MAP3K13: variants seen among roughly 807,000 people sequenced by gnomAD.
The protein encoded by MAP3K13 is leucine zipper-bearing kinase.
In MAP3K13, 52 loss-of-function variants were observed where a neutral mutation model predicts 104.0. The ratio of observed to expected loss-of-function variants is 0.50; its 90% CI spans 0.40 to 0.63. MAP3K13 has a LOEUF of 0.63. MAP3K13 is among the 20% of genes least tolerant of loss of function. The probability of loss-of-function intolerance (pLI) is 0.00; values close to 1 mark genes in which losing one functional copy is unlikely to be tolerated. For synonymous variants in MAP3K13, 394 were observed against 442.2 expected (o/e 0.89, Z 1.37); for missense variants, 914 against 1,218.5 (o/e 0.75, Z 3.72).
intron 2 of MAP3K13, among the ~76,000 whole-genome samples, chr3:185,331,510 AT>A (rs59925132): frequency 0.76 from 115,934 of 151,902 alleles, 44,971 homozygotes; most frequent in Middle Eastern, 0.84. Flanking sequence ...GTGTTGTGTT[AT>A]GTAGGATATA....
chr3:185,401,917 C>T (rs1256701413), intron 1 of MAP3K13, among the ~76,000 whole-genome samples: 3 of 152,050 alleles, frequency 2.0e-5, no homozygotes, highest in Non-Finnish European at 4.4e-5. Flanking sequence ...CCTGGAAACC[C>T]GGATTATTTG....
In MAP3K13 at chr3:185,392,839, A is replaced by G. The variant is rs369429920; in HGVS notation, c.-86+29471A>G. Among the ~76,000 whole-genome samples, 583 of 152,236 alleles carry G rather than the reference A, an allele frequency of 3.8e-3. 4 individuals carry two copies. The highest frequency in any genetic ancestry group is 0.013 in the African/African-American group (538 of 41,538). ...TGAGGCAGACAGATCACCTGAGGTC[A>G]GGAGTTCGAGACCACCCTGGCCAAC... On this transcript the variant is annotated intron_variant, in intron 1 of 13. Coordinates refer to ENST00000265026, the MANE Select transcript of MAP3K13 (RefSeq NM_004721.5).
Position 185,418,823 on chromosome 3 carries a change from C to A in MAP3K13, c.-85-9674C>A. 6.4e-7 allele frequency: 1 copy of A among 1,554,914 alleles called. No individual in the cohort carries two copies. On this transcript the variant is annotated intron_variant, in intron 1 of 13. Coordinates refer to ENST00000265026, the MANE Select transcript of MAP3K13 (RefSeq NM_004721.5). This position sits in a 1 kb window ranked among gnomAD's most constrained non-coding sequence, Gnocchi z 4.5. ...CACGCTCCTCTCAGCCCGGCTGCTG[C>A]CACAGGAAAAGCATGTTCTTGTCTT... is the stretch of plus-strand genomic sequence containing the variant.
intron 2 of MAP3K13, among the ~76,000 whole-genome samples, chr3:185,296,364 C>T (rs761969137): frequency 1.3e-5 from 2 of 152,206 alleles, no homozygotes; most frequent in Non-Finnish European, 2.9e-5. Flanking sequence ...ACCTCTCTAC[C>T]ATCTATTGGA....
At chr3:185,334,461 G>A (rs528733061) in intron 2 of MAP3K13, among the ~76,000 whole-genome samples, 54 of 152,146 alleles carry the variant, frequency 3.5e-4, no homozygotes, top group African/African-American at 1.3e-3. Context: ...CTTGAGGACA[G>A]GCAGATTTGT....
At chr3:185,382,730 C>T (rs368777157) in intron 1 of MAP3K13, among the ~76,000 whole-genome samples, 8 of 152,040 alleles carry the variant, frequency 5.3e-5, no homozygotes, top group South Asian at 2.1e-4. Flanking sequence ...ACCGGCCGGG[C>T]GCGGTGGCTC....
intron 1 of MAP3K13, among the ~76,000 whole-genome samples, chr3:185,380,062 T>C (rs1724631156): frequency 6.6e-6 from 1 of 151,644 alleles, no homozygotes; most frequent in African/African-American, 2.4e-5. Context: ...GGCAGGTGCC[T>C]TTAGTCCCAG....
At chr3:185,286,823 C>A (rs1720530390) in intron 2 of MAP3K13, among the ~76,000 whole-genome samples, 1 of 151,866 alleles carries the variant, frequency 6.6e-6, no homozygotes, top group South Asian at 2.1e-4. Context: ...AGACTTACAT[C>A]TCACATTTTT....
intron 2 of MAP3K13, among the ~76,000 whole-genome samples, chr3:185,343,981 A>G (rs1211912572): frequency 6.6e-6 from 1 of 152,240 alleles, no homozygotes; most frequent in Non-Finnish European, 1.5e-5. Flanking sequence ...CAGTGGAAAA[A>G]CATTTCTTAT....
intron 1 of MAP3K13, among the ~76,000 whole-genome samples, chr3:185,415,573 A>ATTTTTTT (rs34633048): frequency 5.9e-5 from 7 of 119,452 alleles, no homozygotes; most frequent in Non-Finnish European, 1.0e-4. Context: ...AGAAGGGTTA[A>ATTTTTTT]TTTCTTTTTT....
chr3:185,283,313 T>C (rs1240946248), intron 1 of MAP3K13, among the ~76,000 whole-genome samples: 1 of 152,032 alleles, frequency 6.6e-6, no homozygotes, highest in Non-Finnish European at 1.5e-5. Context: ...TCACTGGCGC[T>C]TATGTTGGAG....
In MAP3K13 at chr3:185,441,089, T is replaced by G. The variant is rs563709054; in HGVS notation, c.660-2356T>G. Among the ~76,000 whole-genome samples, 5 of 152,318 alleles carry G rather than the reference T, an allele frequency of 3.3e-5. No individual in the cohort carries two copies. The East Asian group carries it at 9.6e-4, about 29-fold the overall frequency. On this transcript the variant is annotated intron_variant, in intron 3 of 13. Coordinates refer to ENST00000265026, the MANE Select transcript of MAP3K13 (RefSeq NM_004721.5). ...GCATGGACTTTCAAATTAGGCAGAC[T>G]GAGTTTGAATCCCAGCTCTGTCACT...
chr3:185,439,262 G>A (rs369729341), intron 3 of MAP3K13, among the ~76,000 whole-genome samples: 24 of 152,134 alleles, frequency 1.6e-4, no homozygotes, highest in African/African-American at 5.1e-4. Flanking sequence ...TTCATGCAGA[G>A]GGCATGGGAG....
chr3:185,376,578 G>A (rs1490087720), intron 1 of MAP3K13, among the ~76,000 whole-genome samples: 2 of 152,110 alleles, frequency 1.3e-5, no homozygotes, highest in Non-Finnish European at 2.9e-5. Context: ...TGTGGGAGCA[G>A]CTTTTAGGGC....
chr3:185,382,652 T>C (rs1013929661), intron 1 of MAP3K13, among the ~76,000 whole-genome samples: 1 of 152,054 alleles, frequency 6.6e-6, no homozygotes, highest in Non-Finnish European at 1.5e-5. Context: ...GGCACCATCC[T>C]CATGGGAATA....
At chr3:185,345,078 G>A (rs1489051489) in intron 2 of MAP3K13, among the ~76,000 whole-genome samples, 5 of 152,070 alleles carry the variant, frequency 3.3e-5, no homozygotes. Flanking sequence ...GGCCAGGCTG[G>A]TCTTGAACTC....
At position 185,450,673 on chromosome 3, in the gene MAP3K13, G is replaced by A. The variant is rs1479309802; in HGVS notation, c.1170-614G>A. On this transcript the variant is annotated intron_variant, in intron 6 of 13. Coordinates refer to ENST00000265026, the MANE Select transcript of MAP3K13 (RefSeq NM_004721.5). The surrounding 1 kb of genome is among the most constrained non-coding windows in gnomAD (Gnocchi z 4.2). ...TGCAGGGCCAGGCATGGTGGCTCAC[G>A]CCTGTAATCCCAACACTTTGGGAGG... Among the ~76,000 whole-genome samples, 3 of 151,832 alleles carry A rather than the reference G, an allele frequency of 2.0e-5. No homozygotes were observed. The highest frequency in any genetic ancestry group is 2.1e-4 in the South Asian group (1 of 4,810).
At position 185,486,037 on chromosome 3, in the gene MAP3K13, A is replaced by C. The variant is rs894505609; in HGVS notation, c.*3581A>C. 5 of 152,106 alleles carry C rather than the reference A, an allele frequency of 3.3e-5. 1 individual carries two copies. The highest frequency in any genetic ancestry group is 1.2e-4 in the African/African-American group (5 of 41,424). 9.4% of individuals were successfully genotyped at this position (152,106 alleles called of 1,614,324 possible). A position where few individuals can be genotyped will look rare whatever the true frequency, so the allele number is the denominator to read the frequency against. On this transcript the variant is annotated 3_prime_UTR_variant, in exon 14 of 14. Coordinates refer to ENST00000265026, the MANE Select transcript of MAP3K13 (RefSeq NM_004721.5). ...TATTCCTTGGAACAGAGATGCTACA[A>C]CTCTATGTCTTCTTTCTATCCAACA...
At chr3:185,342,797 C>T (rs1406978503) in intron 2 of MAP3K13, among the ~76,000 whole-genome samples, 1 of 152,152 alleles carries the variant, frequency 6.6e-6, no homozygotes, top group Non-Finnish European at 1.5e-5. Flanking sequence ...CAAAACAATA[C>T]ACATTTGTCA....
Sources: allele counts gnomAD v4.1 joint callset (sites outside exome capture counted in the v4.1 genomes callset), GRCh38; gene constraint gnomAD v4.1.1; non-coding constraint Gnocchi (gnomAD v3.1); transcripts MANE v1.5; gene names NCBI Gene and HGNC (gene_info 2026-07-23, HGNC 2026-07-21).